Variants in GSG1L observed in about 807,000 individuals in gnomAD.
The protein encoded by GSG1L is GSG1 like, also known as germ cell-specific gene 1-like protein.
GSG1L carries 24 observed loss-of-function variants against 42.1 expected under a neutral mutation model. The ratio of observed to expected loss-of-function variants is 0.57; its 90% CI spans 0.41 to 0.80. The LOEUF is 0.80. Ranked by LOEUF, GSG1L falls within the 30% of genes least tolerant of loss-of-function variation. The pLI is 0.00. For missense variants in GSG1L, 445 were observed against 472.2 expected (o/e 0.94, Z 0.53); for synonymous variants, 215 against 203.5 (o/e 1.06, Z -0.48).
chr16:27,888,097 C>A (rs899093257), intron 2 of GSG1L: 2 of 985,474 alleles, frequency 2.0e-6, no homozygotes, highest in African/African-American at 3.5e-5. Context: ...GGGTTTCCAG[C>A]CCCTGTTGGT....
chr16:28,061,215 G>C (rs1375215282), intron 1 of GSG1L, among the ~76,000 whole-genome samples: 1 of 152,228 alleles, frequency 6.6e-6, no homozygotes, highest in Admixed American at 6.5e-5. Context: ...GGACGAAGAT[G>C]TTCCTGACAA....
chr16:27,990,383 T>A (rs188104391), intron 1 of GSG1L, among the ~76,000 whole-genome samples: 132 of 152,334 alleles, frequency 8.7e-4, no homozygotes, highest in African/African-American at 3.1e-3. Context: ...TAACATACAT[T>A]CACTAAGAAT....
intron 2 of GSG1L, among the ~76,000 whole-genome samples, chr16:27,958,411 TAA>T (rs767157230): frequency 6.8e-5 from 8 of 117,566 alleles, no homozygotes; most frequent in Admixed American, 9.4e-5. Flanking sequence ...AGACTCCATC[TAA>T]AAAAAAAAAA....
chr16:27,820,043 C>G (rs2083135195), intron 5 of GSG1L, among the ~76,000 whole-genome samples: 1 of 152,132 alleles, frequency 6.6e-6, no homozygotes, highest in Non-Finnish European at 1.5e-5. Context: ...GCAGCGGCAT[C>G]TGTCAGGACT....
chr16:27,825,424 AT>A (rs2083198566), intron 5 of GSG1L, among the ~76,000 whole-genome samples: 1 of 152,188 alleles, frequency 6.6e-6, no homozygotes, highest in African/African-American at 2.4e-5. Context: ...TAATCCCAGC[AT>A]TTTGGGAGGC....
intron 6 of GSG1L, among the ~76,000 whole-genome samples, chr16:27,795,762 G>T (rs895937864): frequency 2.6e-5 from 4 of 152,124 alleles, no homozygotes; most frequent in African/African-American, 9.7e-5. Flanking sequence ...TTCCCCAAAG[G>T]TGTGATTTCT....
At chr16:27,941,311 A>C (rs571128413) in intron 2 of GSG1L, among the ~76,000 whole-genome samples, 1 of 151,838 alleles carries the variant, frequency 6.6e-6, no homozygotes, top group Non-Finnish European at 1.5e-5. Context: ...TACCACCAAC[A>C]AAAAAACAAA....
rs2083016378 is a variant in GSG1L at position 27,810,243 on chromosome 16, C to T, written c.831-2689G>A. Among the ~76,000 whole-genome samples the T allele has an allele frequency of 2.0e-5, 3 of 152,162 alleles. No homozygotes were observed. In the South Asian group the frequency reaches 6.2e-4, roughly 32 times the overall value. ...CCTATAATCCCAGTGCTTTGGGAGG[C>T]TGCAGTGGGCAGATTGCTTGAGCCC... On this transcript the variant is annotated intron_variant, in intron 5 of 6. Transcript: ENST00000447459.
intron 2 of GSG1L, among the ~76,000 whole-genome samples, chr16:27,937,592 A>G (rs1293352551): frequency 6.6e-6 from 1 of 152,174 alleles, no homozygotes; most frequent in East Asian, 1.9e-4. Flanking sequence ...GCATCTGCCA[A>G]TCAGCAATCT....
At chr16:27,947,380 AAGAAAAAGAAAG>A (rs1374192665) in intron 2 of GSG1L, among the ~76,000 whole-genome samples, 2 of 113,712 alleles carry the variant, frequency 1.8e-5, no homozygotes, top group Admixed American at 1.1e-4. Context: ...GAAAGAAAGA[AAGAAAAAGAAAG>A]AAAGAAAGAA....
chr16:27,917,212 C>T (rs1319884184), intron 2 of GSG1L, among the ~76,000 whole-genome samples: 1 of 152,146 alleles, frequency 6.6e-6, no homozygotes, highest in East Asian at 1.9e-4. Context: ...CAAGTATTTC[C>T]TGATGGCCTG....
chr16:28,048,341 A>T (rs542224420), intron 1 of GSG1L, among the ~76,000 whole-genome samples: 7 of 152,332 alleles, frequency 4.6e-5, no homozygotes, highest in South Asian at 4.1e-4. Flanking sequence ...ACGAAAAAAA[A>T]ATATAAGGCA....
At chr16:27,888,029 G>A (rs1419854745) in intron 2 of GSG1L, 1 of 890,294 alleles carries the variant, frequency 1.1e-6, no homozygotes, top group East Asian at 1.2e-4. Flanking sequence ...CCGCCCCCAG[G>A]AGGTTTCATC....
chr16:27,909,954 T>C (rs2084365542), intron 2 of GSG1L, among the ~76,000 whole-genome samples: 1 of 143,578 alleles, frequency 7.0e-6, no homozygotes, highest in African/African-American at 2.7e-5. Context: ...ATCTTTTCTT[T>C]CTTTTTTTTT....
chr16:28,024,103 C>T (rs1277845195), intron 1 of GSG1L, among the ~76,000 whole-genome samples: 1 of 152,168 alleles, frequency 6.6e-6, no homozygotes, highest in East Asian at 1.9e-4. Context: ...TGCCTCCAAA[C>T]CCAAGATCTT....
chr16:27,937,094 T>C (rs1318047295), intron 2 of GSG1L, among the ~76,000 whole-genome samples: 1 of 152,228 alleles, frequency 6.6e-6, no homozygotes, highest in Non-Finnish European at 1.5e-5. Flanking sequence ...GGACAGCTTT[T>C]GGAAATCTCC....
intron 6 of GSG1L, among the ~76,000 whole-genome samples, chr16:27,794,697 A>G (rs1379521997): frequency 2.6e-5 from 4 of 152,140 alleles, no homozygotes; most frequent in Non-Finnish European, 5.9e-5. Context: ...AAATGATGAC[A>G]ATTAAGGTTT....
At chr16:27,831,384 C>T (rs144893928) in intron 4 of GSG1L, among the ~76,000 whole-genome samples, 85 of 152,188 alleles carry the variant, frequency 5.6e-4, no homozygotes, top group Admixed American at 1.3e-3. Flanking sequence ...GAGTTTTGGT[C>T]ATTGGGAACC....
Position 27,983,998 on chromosome 16 carries a change from C to G in GSG1L, c.350-20795G>C, listed in dbSNP as rs183657326. Among the ~76,000 whole-genome samples, 29 of 152,264 alleles carry G rather than the reference C, an allele frequency of 1.9e-4. 1 individual carries two copies. In the East Asian group the frequency reaches 5.2e-3, roughly 27 times the overall value. Reference sequence around the variant, plus strand: ...GAAACAATGCCCATAGCATAGATAACCCCTTGTCAAGATGCTTATCCAACA... The same window carrying G: ...GAAACAATGCCCATAGCATAGATAAGCCCTTGTCAAGATGCTTATCCAACA... On this transcript the variant is annotated intron_variant, in intron 1 of 6. Coordinates refer to ENST00000447459, the MANE Select transcript of GSG1L (RefSeq NM_001109763.2).
Sources: allele counts gnomAD v4.1 joint callset (sites outside exome capture counted in the v4.1 genomes callset), GRCh38; gene constraint gnomAD v4.1.1; transcripts MANE v1.5; gene names NCBI Gene and HGNC (gene_info 2026-07-23, HGNC 2026-07-21).